Variants in WDR44 observed in about 807,000 individuals in gnomAD.
WDR44 encodes the protein WD repeat-containing protein 44.
In WDR44, 9 loss-of-function variants were observed where a neutral mutation model predicts 65.7. That is an observed-to-expected ratio of 0.14 (90% CI 0.08 to 0.24). The LOEUF (loss-of-function observed/expected upper bound fraction) is 0.24, where lower values mean the gene tolerates loss of function less well. Among genes scored for constraint, WDR44 ranks in the 10% least tolerant of loss-of-function variants. WDR44 has a pLI of 1.00. For synonymous variants in WDR44, 220 were observed against 235.2 expected, an observed-to-expected ratio of 0.94 and a Z score of 0.59; for missense variants, 425 against 670.9, an observed-to-expected ratio of 0.63 and a Z score of 4.05.
chrX:118,411,069 A>G (rs1464043989), intron 12 of WDR44, 110 bp downstream of exon 12: 2 of 600,315 alleles, frequency 3.3e-6, no homozygotes, highest in Admixed American at 9.2e-5. Flanking sequence ...ACTTAATATA[A>G]AATTAAGATG....
At chrX:118,369,683 T>G (rs991291119) in intron 1 of WDR44, among the ~76,000 whole-genome samples, 4 of 109,504 alleles carry the variant, frequency 3.7e-5, no homozygotes. Flanking sequence ...TTAGCCAGGA[T>G]GGTCTCAATC....
chrX:118,367,080 C>T (rs749808255), intron 1 of WDR44, among the ~76,000 whole-genome samples: 3 of 105,428 alleles, frequency 2.8e-5, no homozygotes, highest in African/African-American at 1.1e-4. Flanking sequence ...AGCAAGACTC[C>T]GTCTCAAAAA....
intron 1 of WDR44, 22 bp downstream of exon 1, chrX:118,346,602 A>T: frequency 8.7e-7 from 1 of 1,142,889 alleles, no homozygotes; most frequent in Non-Finnish European, 1.2e-6. Flanking sequence ...CAGCTATGAC[A>T]GGAAGCCGGG....
chrX:118,360,495 A>T (rs2056501771), intron 1 of WDR44, among the ~76,000 whole-genome samples: 1 of 112,104 alleles, frequency 8.9e-6, no homozygotes, highest in African/African-American at 3.2e-5. Flanking sequence ...TGAGGACCAG[A>T]CACGTGATTC....
At chrX:118,386,307 A>G (rs752288816) in intron 2 of WDR44, 1 of 325,203 alleles carries the variant, frequency 3.1e-6, no homozygotes, top group African/African-American at 2.9e-5. Flanking sequence ...CTTAAGATTG[A>G]GAAGAGTATT....
chrX:118,443,662 T>C lies in WDR44; in HGVS notation c.2487T>C (p.Arg829=). The part of the protein sequence containing the change: ...LSKFTSVRRD[R]NDFWEGIKAH... ...AGTTTACTTCAGTCAGGAGAGATCG[T>C]AATGACTTCTGGGAAGGTATTAAAG... Residue 829 remains arginine, a synonymous_variant, in exon 18 of 20, where the codon CGT becomes CGC. Coordinates refer to ENST00000254029, the MANE Select transcript of WDR44 (RefSeq NM_019045.5). 2 of 1,208,968 alleles carry C rather than the reference T, an allele frequency of 1.7e-6. No homozygotes were observed. Among genetic ancestry groups the C allele is most frequent in the South Asian group, 1.8e-5 (1 of 56,414 alleles).
Position 118,375,515 on chromosome X carries a change from CAA to C in WDR44, c.78-2888_78-2887del, listed in dbSNP as rs3048529. 3.0e-3 allele frequency among the ~76,000 whole-genome samples: 185 copies of C among 62,020 alleles called. 1 individual carries two copies. The highest frequency in any genetic ancestry group is 7.9e-3 in the African/African-American group (158 of 20,011). The allele number at this position is 62,020 out of a possible 115,157, so 53.9% of individuals were successfully genotyped here. A position where few individuals can be genotyped will look rare whatever the true frequency, so the allele number is the denominator to read the frequency against. On this transcript the variant is annotated intron_variant, in intron 1 of 19. Transcript: ENST00000254029. ...TGGGCAGTAAAGTGAGACCCCATCTCAAAAAAAAAAAAAAAAACAAACAGGTT... is the reference window on the plus strand; with the variant it reads ...TGGGCAGTAAAGTGAGACCCCATCTCAAAAAAAAAAAAAAACAAACAGGTT...
chrX:118,409,009 G>T (rs950362572), intron 10 of WDR44, among the ~76,000 whole-genome samples: 2 of 111,962 alleles, frequency 1.8e-5, no homozygotes, highest in Non-Finnish European at 3.8e-5. Context: ...CTACTTTTGT[G>T]GTATTATAGC....
chrX:118,383,747 G>T (rs2056740131), intron 2 of WDR44, among the ~76,000 whole-genome samples: 1 of 95,076 alleles, frequency 1.1e-5, no homozygotes. Context: ...TGGAGACAGA[G>T]TCTCGCTCTG....
At chrX:118,429,143 C>G in intron 12 of WDR44, among the ~76,000 whole-genome samples, 2 of 110,738 alleles carry the variant, frequency 1.8e-5, no homozygotes, top group Non-Finnish European at 3.8e-5. Flanking sequence ...CAGCAAACCA[C>G]CCTGGCACAC....
chrX:118,442,999 ACGGCTCATCC>A (rs2057315468), intron 17 of WDR44, among the ~76,000 whole-genome samples: 1 of 111,024 alleles, frequency 9.0e-6, no homozygotes, highest in African/African-American at 3.3e-5. Flanking sequence ...GAGGGGGCTT[ACGGCTCATCC>A]CGCCACTCCC....
chrX:118,410,958 G>A lies in WDR44; in HGVS notation c.1736G>A (p.Gly579Glu). The change falls in exon 12 of 20, where the codon GGG becomes GAG. Residue 579 changes from glycine (G) to glutamate (E), a missense_variant and splice_region_variant. Transcript: ENST00000254029. ...LSSSKSDTDT[G>E]VCSGTDEDPD... The stretch of plus-strand genomic sequence containing the variant: ...TCATCAAAATCGGATACAGATACAG[G>A]GGTATGCTTATTGTTTTATGGTTAC... 1.7e-6 allele frequency: 2 copies of A among 1,181,447 alleles called. No individual in the cohort carries two copies.
Position 118,346,273 on chromosome X carries a change from G to A in WDR44, c.-231G>A, listed in dbSNP as rs1218019843. The stretch of plus-strand genomic sequence containing the variant: ...GGAGCGGTGGCAGCAACATTCCCTG[G>A]ACCAACCGCCGCCTCTTCAGGCGGC... On this transcript the variant is annotated 5_prime_UTR_variant, in exon 1 of 20. Coordinates refer to ENST00000254029, the MANE Select transcript of WDR44 (RefSeq NM_019045.5). The A allele has an allele frequency of 1.7e-5, 7 of 409,958 alleles. No homozygotes were observed. The highest frequency in any genetic ancestry group is 2.6e-5 in the African/African-American group (1 of 38,252). 33.8% of individuals were successfully genotyped at this position (409,958 alleles called of 1,213,427 possible). A position where few individuals can be genotyped will look rare whatever the true frequency, so the allele number is the denominator to read the frequency against.
At chrX:118,442,815 C>T (rs1001756687) in intron 17 of WDR44, 135 bp downstream of exon 17, 98 of 471,745 alleles carry the variant, frequency 2.1e-4, no homozygotes, top group Non-Finnish European at 3.4e-4. Context: ...TCATGCAATA[C>T]GTACCTTGTC....
At chrX:118,431,076 G>C (rs920895453) in intron 12 of WDR44, among the ~76,000 whole-genome samples, 1 of 111,407 alleles carries the variant, frequency 9.0e-6, no homozygotes. Flanking sequence ...CTATCCCCAT[G>C]CCACTGTCCT....
chrX:118,430,664 AC>A (rs1276030855), intron 12 of WDR44, among the ~76,000 whole-genome samples: 1 of 111,575 alleles, frequency 9.0e-6, no homozygotes, highest in Non-Finnish European at 1.9e-5. Flanking sequence ...ACATGGTGAA[AC>A]CCTGTGTCTA....
chrX:118,397,253 T>G (rs773807313), intron 7 of WDR44, 147 bp downstream of exon 7: 1 of 453,394 alleles, frequency 2.2e-6, no homozygotes, highest in Non-Finnish European at 3.4e-6. Flanking sequence ...GTATGTATTC[T>G]TTAACTTTGC....
At chrX:118,371,782 A>T (rs1260967586) in intron 1 of WDR44, among the ~76,000 whole-genome samples, 2 of 111,024 alleles carry the variant, frequency 1.8e-5, no homozygotes. Context: ...TTCTTTAAAA[A>T]CATACCACCA....
At chrX:118,374,808 C>T (rs1287559448) in intron 1 of WDR44, among the ~76,000 whole-genome samples, 1 of 111,681 alleles carries the variant, frequency 9.0e-6, no homozygotes, top group South Asian at 3.7e-4. Context: ...CATGTACTCA[C>T]TCACTTCATC....
Sources: gnomAD v4.1 joint callset for allele counts (sites outside exome capture counted in the v4.1 genomes callset) on GRCh38, gnomAD v4.1.1 for gene constraint, MANE v1.5 for transcripts, NCBI Gene and HGNC (gene_info 2026-07-23, HGNC 2026-07-21) for gene names.